Variants in ERCC1 observed in about 807,000 individuals in gnomAD.
ERCC1 encodes ERCC excision repair 1, endonuclease non-catalytic subunit, also known as DNA excision repair protein ERCC-1.
ERCC1 carries 36 observed loss-of-function variants against 37.6 expected under a neutral mutation model. The observed-to-expected ratio is 0.96, with a 90% CI of 0.73 to 1.26. The LOEUF (loss-of-function observed/expected upper bound fraction) is 1.26. Among genes scored for constraint, ERCC1 ranks in the 50% most tolerant of loss-of-function variants. The pLI, the probability that ERCC1 is intolerant of heterozygous loss-of-function variation, is 0.00. For synonymous variants in ERCC1, 156 were observed against 162.1 expected (o/e 0.96, Z 0.28); for missense variants, 349 against 376.5 (o/e 0.93, Z 0.60).
chr19:45,410,565 T>TTTTGTGTGTGTGTGTGTG (rs1555785408), intron 9 of ERCC1: 2 of 140,722 alleles, frequency 1.4e-5, no homozygotes, highest in South Asian at 2.3e-4. Context: ...CATTCTTTCT[T>TTTTGTGTGTGTGTGTGTG]TGTGTGTGTG....
intron 1 of ERCC1, among the ~76,000 whole-genome samples, chr19:45,440,236 C>T (rs1975085688): frequency 6.6e-6 from 1 of 151,764 alleles, no homozygotes; most frequent in Non-Finnish European, 1.5e-5. Flanking sequence ...CTCCCCCCTC[C>T]CCTACACCCC....
At position 45,421,269 on chromosome 19, in the gene ERCC1, G is replaced by C. The variant is rs3188420; in HGVS notation, c.230C>G (p.Pro77Arg). 5.0e-6 allele frequency: 8 copies of C among 1,614,182 alleles called. No homozygotes were observed. Among genetic ancestry groups the C allele is most frequent in the Non-Finnish European group, 6.8e-6 (8 of 1,180,032 alleles). ...TCCTGCCAGGGGCTCTGACCCTGTG[G>C]GGCACGTGGCCCCAGCCCCTTCCAG... ...QPLEGAGATCPTGSEPLAGET... is the reference protein window; with the variant it reads ...QPLEGAGATCRTGSEPLAGET... Residue 77 changes from proline to arginine, a missense_variant, in exon 3 of 10, where the codon CCC becomes CGC. Physicochemically the swap from Pro to Arg is moderately radical, Grantham distance 103. Transcript: ENST00000300853.
At chr19:45,444,332 C>T (rs1245965830) in intron 1 of ERCC1, among the ~76,000 whole-genome samples, 1 of 144,580 alleles carries the variant, frequency 6.9e-6, no homozygotes, top group African/African-American at 2.6e-5. Flanking sequence ...AGGCCCAAGG[C>T]CGGCCCGCGC....
At chr19:45,428,764 T>A (rs1032776271), upstream of ERCC1, among the ~76,000 whole-genome samples, 2 of 151,580 alleles carry the variant, frequency 1.3e-5, no homozygotes, top group Non-Finnish European at 2.9e-5. Flanking sequence ...GGGGGCGCAG[T>A]GACCAGGCTG....
chr19:45,414,623 G>A (rs930053919), intron 7 of ERCC1: 3 of 507,472 alleles, frequency 5.9e-6, no homozygotes, highest in Non-Finnish European at 1.1e-5. Context: ...TGTTGAGCCT[G>A]GTGAGAAGTC....
intron 4 of ERCC1, 69 bp from the exon 5 acceptor site, chr19:45,419,266 C>G: frequency 9.0e-7 from 1 of 1,105,118 alleles, no homozygotes. Context: ...CCTTTTCCCT[C>G]TCACTGGAAT....
At chr19:45,439,928 G>C (rs921628231) in intron 1 of ERCC1, among the ~76,000 whole-genome samples, 25 of 152,152 alleles carry the variant, frequency 1.6e-4, no homozygotes, top group Admixed American at 5.2e-4. Context: ...CCCCAGCTCC[G>C]CTAAAAATAG....
intron 1 of ERCC1, among the ~76,000 whole-genome samples, chr19:45,445,492 T>C (rs919608117): frequency 1.3e-5 from 2 of 152,122 alleles, no homozygotes; most frequent in African/African-American, 4.8e-5. Flanking sequence ...TATATAGTAC[T>C]TTGGAAAGTA....
At chr19:45,422,456 C>G (rs1974494507) in intron 2 of ERCC1, among the ~76,000 whole-genome samples, 2 of 152,076 alleles carry the variant, frequency 1.3e-5, no homozygotes, top group Non-Finnish European at 2.9e-5. Flanking sequence ...CTCAGAGAGG[C>G]CCTCCCTTGA....
chr19:45,434,990 T>TC (rs548579798), intron 1 of ERCC1, among the ~76,000 whole-genome samples: 128 of 151,952 alleles, frequency 8.4e-4, no homozygotes, highest in African/African-American at 3.0e-3. Flanking sequence ...TCCACGTTGG[T>TC]CGGGCTGGTC....
chr19:45,429,869 C>T (rs1438372204), intron 1 of ERCC1, among the ~76,000 whole-genome samples: 2 of 152,176 alleles, frequency 1.3e-5, no homozygotes, highest in African/African-American at 4.8e-5. Flanking sequence ...ACTGCAACTT[C>T]CGCCTCCCAG....
upstream of ERCC1, among the ~76,000 whole-genome samples, chr19:45,425,843 C>T (rs929187111): frequency 6.6e-6 from 1 of 152,144 alleles, no homozygotes; most frequent in Admixed American, 6.6e-5. Context: ...GTTCATTGAT[C>T]TTTTTATTTA....
intron 1 of ERCC1, among the ~76,000 whole-genome samples, chr19:45,436,133 C>A (rs1330486188): frequency 6.6e-6 from 1 of 151,980 alleles, no homozygotes; most frequent in African/African-American, 2.4e-5. Flanking sequence ...GGATGAAGAG[C>A]GGGAAGCCTG....
chr19:45,430,003 C>T (rs997080173), intron 1 of ERCC1, among the ~76,000 whole-genome samples: 3 of 152,098 alleles, frequency 2.0e-5, no homozygotes, highest in Admixed American at 6.6e-5. Flanking sequence ...AGGCTGGTTT[C>T]GAACTCCTGA....
At chr19:45,412,167 GTTTT>G (rs989248448) in intron 9 of ERCC1, among the ~76,000 whole-genome samples, 1 of 149,820 alleles carries the variant, frequency 6.7e-6, no homozygotes, top group Non-Finnish European at 1.5e-5. Flanking sequence ...CCTATTTTTG[GTTTT>G]TTTTGAGATG....
At chr19:45,432,096 C>G (rs1009597529) in intron 1 of ERCC1, among the ~76,000 whole-genome samples, 1 of 151,926 alleles carries the variant, frequency 6.6e-6, no homozygotes, top group African/African-American at 2.4e-5. Flanking sequence ...CTCAGCCTCC[C>G]GAGTAGCTGG....
intron 1 of ERCC1, among the ~76,000 whole-genome samples, chr19:45,432,595 G>C (rs1974862356): frequency 6.6e-6 from 1 of 152,132 alleles, no homozygotes; most frequent in African/African-American, 2.4e-5. Flanking sequence ...CCAGGCTGGA[G>C]TTCAATGGTG....
chr19:45,409,230 C>T lies in ERCC1; in HGVS notation c.*445G>A, dbSNP rs1324662945. ...GAGCCTCAGGCAGCTCCCACATCCACCAAGAAGAAGAAGAAGAAGAAAGAG... is the reference window on the plus strand; with the variant it reads ...GAGCCTCAGGCAGCTCCCACATCCATCAAGAAGAAGAAGAAGAAGAAAGAG... On this transcript the variant is annotated 3_prime_UTR_variant, in exon 10 of 10. Coordinates refer to ENST00000300853, the MANE Select transcript of ERCC1 (RefSeq NM_001983.4). 3.7e-6 allele frequency: 6 copies of T among 1,608,068 alleles called. No individual in the cohort carries two copies. Among genetic ancestry groups the T allele is most frequent in the South Asian group, 1.1e-5 (1 of 90,668 alleles).
chr19:45,435,735 G>A (rs942648943), intron 1 of ERCC1, among the ~76,000 whole-genome samples: 6 of 152,124 alleles, frequency 3.9e-5, no homozygotes, highest in African/African-American at 1.4e-4. Context: ...TGGGATTACA[G>A]GTGTGAGCCT....
Sources: allele counts gnomAD v4.1 joint callset (sites outside exome capture counted in the v4.1 genomes callset), GRCh38; gene constraint gnomAD v4.1.1; transcripts MANE v1.5; gene names NCBI Gene and HGNC (gene_info 2026-07-23, HGNC 2026-07-21).